Variants in PRIM2 observed in about 807,000 individuals in gnomAD.
PRIM2 encodes DNA primase large subunit.
Under a neutral mutation model 67.3 loss-of-function variants are expected in PRIM2, and 39 were observed. The observed-to-expected ratio is 0.58, with a 90% confidence interval of 0.45 to 0.76. The LOEUF (loss-of-function observed/expected upper bound fraction) is 0.76, where lower values mean the gene tolerates loss of function less well. Among genes scored for constraint, PRIM2 ranks in the 30% least tolerant of loss-of-function variants. The pLI is 0.00. For missense variants in PRIM2, 398 were observed against 598.7 expected (o/e 0.66, Z 3.50); for synonymous variants, 143 against 198.7 (o/e 0.72, Z 2.36).
intron 13 of PRIM2, among the ~76,000 whole-genome samples, chr6:57,634,836 A>G (rs1476164599): frequency 1.2e-4 from 18 of 152,204 alleles, no homozygotes; most frequent in African/African-American, 4.3e-4. Context: ...AAAGACATAT[A>G]TCTAAATCCT....
the PRIM2 span, among the ~76,000 whole-genome samples, chr6:57,227,338 C>A: frequency 6.6e-6 from 1 of 152,118 alleles, no homozygotes; most frequent in Non-Finnish European, 1.5e-5. Context: ...GTCATCCATT[C>A]CATAATTTAA....
At chr6:57,261,942 C>T in the PRIM2 span, among the ~76,000 whole-genome samples, 10 of 152,260 alleles carry the variant, frequency 6.6e-5, no homozygotes, top group Admixed American at 2.6e-4. Context: ...TAATTCTGCC[C>T]ACAGCTATGT....
At chr6:57,489,517 A>G (rs1773836298) in intron 7 of PRIM2, among the ~76,000 whole-genome samples, 3 of 149,520 alleles carry the variant, frequency 2.0e-5, no homozygotes, top group Non-Finnish European at 3.0e-5. Flanking sequence ...AGATCGTTCC[A>G]CTGCACTCCA....
chr6:57,597,847 G>A (rs1405539692), intron 10 of PRIM2, among the ~76,000 whole-genome samples: 2 of 152,108 alleles, frequency 1.3e-5, no homozygotes, highest in Non-Finnish European at 2.9e-5. Context: ...CCCACCTTTT[G>A]TATTTAAGTT....
At chr6:57,488,422 T>A (rs1474325135) in intron 7 of PRIM2, among the ~76,000 whole-genome samples, 1 of 152,228 alleles carries the variant, frequency 6.6e-6, no homozygotes, top group African/African-American at 2.4e-5. Flanking sequence ...GGGAAAACTT[T>A]AGTCTATACA....
At chr6:57,457,925 C>T (rs1298117304) in intron 7 of PRIM2, among the ~76,000 whole-genome samples, 1 of 152,008 alleles carries the variant, frequency 6.6e-6, no homozygotes, top group Admixed American at 6.6e-5. Context: ...GGCCATCTTC[C>T]TTGTTCATTT....
intron 10 of PRIM2, among the ~76,000 whole-genome samples, chr6:57,577,353 ACCACCTTTGCCTAGTTATTAGG>A (rs1775981806): frequency 1.3e-5 from 2 of 152,010 alleles, no homozygotes; most frequent in African/African-American, 2.4e-5. Flanking sequence ...GGATATTCAC[ACCACCTTTGCCTAGTTATTAGG>A]AGAATCAAAT....
At chr6:57,537,400 C>A in intron 9 of PRIM2, 40 bp from the exon 10 acceptor site, 1 of 1,053,800 alleles carries the variant, frequency 9.5e-7, no homozygotes. Flanking sequence ...CCTGATAAGT[C>A]TTCCACTTAA....
chr6:57,444,070 G>A (rs1772287251), intron 7 of PRIM2, among the ~76,000 whole-genome samples: 1 of 152,108 alleles, frequency 6.6e-6, no homozygotes, highest in Non-Finnish European at 1.5e-5. Context: ...AAATCAGTTG[G>A]CTGCACTTGT....
chr6:57,607,874 A>G (rs1776590773), intron 12 of PRIM2, among the ~76,000 whole-genome samples: 1 of 152,186 alleles, frequency 6.6e-6, no homozygotes, highest in Non-Finnish European at 1.5e-5. Context: ...TGGTCTTTTC[A>G]GTTAGAATTG....
At chr6:57,458,972 C>T (rs1381769151) in intron 7 of PRIM2, among the ~76,000 whole-genome samples, 1 of 152,216 alleles carries the variant, frequency 6.6e-6, no homozygotes, top group African/African-American at 2.4e-5. Context: ...CAGCCCTTAA[C>T]TTTTGTTTAG....
chr6:57,646,380 A>T lies in PRIM2; in HGVS notation c.*222A>T. On this transcript the variant is annotated 3_prime_UTR_variant, in exon 14 of 14. Coordinates refer to ENST00000615550, the MANE Select transcript of PRIM2 (RefSeq NM_000947.5). ...CCTCATATCCAGATAATTTTTTTCA[A>T]TTTTTTTTTGTAGAGGTGGGGGGTC... is the stretch of plus-strand genomic sequence containing the variant. 4.2e-6 allele frequency: 2 copies of T among 475,038 alleles called. No individual in the cohort carries two copies. Among genetic ancestry groups the T allele is most frequent in the East Asian group, 3.7e-5 (1 of 27,176 alleles). 29.4% of individuals were successfully genotyped at this position (475,038 alleles called of 1,614,324 possible). A position where few individuals can be genotyped will look rare whatever the true frequency, so the allele number is the denominator to read the frequency against.
At chr6:57,426,122 A>AT (rs1562746484) in intron 7 of PRIM2, among the ~76,000 whole-genome samples, 8 of 152,210 alleles carry the variant, frequency 5.3e-5, no homozygotes, top group Non-Finnish European at 1.0e-4. Flanking sequence ...CATAGATTTT[A>AT]AATACACAGG....
rs1377895785 is a variant in PRIM2 at position 57,645,279 on chromosome 6, A to T, written c.1300-649A>T. On this transcript the variant is annotated intron_variant, in intron 13 of 13. Coordinates refer to ENST00000615550, the MANE Select transcript of PRIM2 (RefSeq NM_000947.5). ...GGAACTGGGGATACAATAATGAATC[A>T]CACAGGTCCCTAACCTGTGCCTCAC... Among the ~76,000 whole-genome samples the T allele has an allele frequency of 8.6e-5, 13 of 151,576 alleles. No individual in the cohort carries two copies. In the East Asian group the frequency reaches 1.4e-3, roughly 16 times the overall value.
intron 8 of PRIM2, among the ~76,000 whole-genome samples, chr6:57,512,210 T>C (rs1774386811): frequency 1.3e-5 from 2 of 152,176 alleles, no homozygotes; most frequent in African/African-American, 2.4e-5. Flanking sequence ...TGTGGAAATA[T>C]AGGGAGTAGG....
Position 57,524,854 on chromosome 6 carries a change from T to C in PRIM2, c.762-7557T>C, listed in dbSNP as rs1477658515. On this transcript the variant is annotated intron_variant, in intron 8 of 13. Transcript: ENST00000615550. Reference sequence around the variant, plus strand: ...AGTTTGTTATACACAATTGCAAAATTCTGTTTTCTTAGAAGGCACTATTAT... The same window carrying C: ...AGTTTGTTATACACAATTGCAAAATCCTGTTTTCTTAGAAGGCACTATTAT... Among the ~76,000 whole-genome samples the C allele has an allele frequency of 8.5e-5, 13 of 152,258 alleles. No individual in the cohort carries two copies. The South Asian group carries it at 2.5e-3, about 29-fold the overall frequency.
Position 57,548,293 on chromosome 6 carries a change from C to G in PRIM2, c.1020+10668C>G, listed in dbSNP as rs1444046859. ...GAGTGCCAAAAGTTAGAGCAGGAACCAGATTTCCTGGTCTTAGCATACAAG... is the reference window on the plus strand; with the variant it reads ...GAGTGCCAAAAGTTAGAGCAGGAACGAGATTTCCTGGTCTTAGCATACAAG... On this transcript the variant is annotated intron_variant, in intron 10 of 13. Coordinates refer to ENST00000615550, the MANE Select transcript of PRIM2 (RefSeq NM_000947.5). Among the ~76,000 whole-genome samples the G allele has an allele frequency of 2.6e-5, 4 of 152,210 alleles. No homozygotes were observed. In the East Asian group the frequency reaches 7.7e-4, roughly 29 times the overall value.
At position 57,449,451 on chromosome 6, in the gene PRIM2, T is replaced by C. The variant is rs796437842; in HGVS notation, c.694-57936T>C. ...AAATGTGTCAGGATTATTCAATTAT[T>C]TTATGTAAATACATCCCATTTACTT... On this transcript the variant is annotated intron_variant, in intron 7 of 13. Coordinates refer to ENST00000615550, the MANE Select transcript of PRIM2 (RefSeq NM_000947.5). Among the ~76,000 whole-genome samples the C allele has an allele frequency of 9.7e-4, 148 of 152,262 alleles. 1 individual carries two copies. Among genetic ancestry groups the C allele is most frequent in the African/African-American group, 3.2e-3 (133 of 41,556 alleles).
the PRIM2 span, among the ~76,000 whole-genome samples, chr6:57,238,993 ATTT>A: frequency 2.0e-5 from 3 of 148,390 alleles, no homozygotes; most frequent in Non-Finnish European, 3.0e-5. Flanking sequence ...TTCTTTTTTT[ATTT>A]TTTTTTTATT....
Sources: allele counts gnomAD v4.1 joint callset (sites outside exome capture counted in the v4.1 genomes callset), GRCh38; gene constraint gnomAD v4.1.1; transcripts MANE v1.5; gene names NCBI Gene and HGNC (gene_info 2026-07-23, HGNC 2026-07-21).